The following RNF169 variants were observed in gnomAD, a reference collection of about 807,000 sequenced individuals.
RNF169 encodes the protein E3 ubiquitin-protein ligase RNF169.
Under a neutral mutation model 53.9 loss-of-function variants are expected in RNF169, and 24 were observed. That is an observed-to-expected ratio of 0.45 (90% CI 0.32 to 0.63). RNF169 has a LOEUF of 0.63. RNF169 is among the 20% of genes least tolerant of loss of function. RNF169 has a pLI of 0.04. For synonymous variants in RNF169, 396 were observed against 363.5 expected, an observed-to-expected ratio of 1.09 and a Z score of -1.02; for missense variants, 883 against 906.2, an observed-to-expected ratio of 0.97 and a Z score of 0.33.
At chr11:74,813,029 C>G (rs1164771722) in intron 3 of RNF169, among the ~76,000 whole-genome samples, 1 of 152,192 alleles carries the variant, frequency 6.6e-6, no homozygotes, top group Non-Finnish European at 1.5e-5. Flanking sequence ...ATCCAGCTTA[C>G]CTGTTGGAAG....
intron 5 of RNF169, 124 bp from the exon 6 acceptor site, chr11:74,835,422 C>A (rs536045046): frequency 5.0e-5 from 35 of 697,858 alleles, no homozygotes; most frequent in African/African-American, 4.5e-4. Flanking sequence ...TTCTTAGGCT[C>A]ACATTACCCT....
At chr11:74,788,285 A>G (rs2035532882) in intron 1 of RNF169, among the ~76,000 whole-genome samples, 2 of 143,304 alleles carry the variant, frequency 1.4e-5, no homozygotes, top group Non-Finnish European at 3.0e-5. Flanking sequence ...TTGGGGGTTT[A>G]TATATACATA....
chr11:74,780,987 A>G (rs953953199), intron 1 of RNF169, among the ~76,000 whole-genome samples: 2 of 152,138 alleles, frequency 1.3e-5, no homozygotes, highest in Admixed American at 1.3e-4. Context: ...CTCTCCACCT[A>G]CTTCCCCGCT....
In RNF169 at chr11:74,799,045, C is replaced by G. The variant is rs1232871385; in HGVS notation, c.576+9346C>G. ...CTCCCACCTTAGCAACAGAGCAAGA[C>G]CCCGTCTCAAAAAAAGAAAAAAAAA... On this transcript the variant is annotated intron_variant, in intron 2 of 5. Coordinates refer to ENST00000299563, the MANE Select transcript of RNF169 (RefSeq NM_001098638.2). 2.0e-5 allele frequency among the ~76,000 whole-genome samples: 3 copies of G among 146,376 alleles called. No homozygotes were observed. The East Asian group carries it at 6.0e-4, about 29-fold the overall frequency.
intron 1 of RNF169, among the ~76,000 whole-genome samples, chr11:74,776,338 A>C (rs1475565388): frequency 6.6e-6 from 1 of 152,056 alleles, no homozygotes; most frequent in Non-Finnish European, 1.5e-5. Context: ...TGCAACCTCA[A>C]AAGATTGGAC....
At chr11:74,813,146 CT>C (rs1449409512) in intron 3 of RNF169, among the ~76,000 whole-genome samples, 2 of 152,226 alleles carry the variant, frequency 1.3e-5, no homozygotes, top group Non-Finnish European at 2.9e-5. Context: ...CAAACCCCCA[CT>C]TTGTAACTTT....
chr11:74,826,151 C>T (rs760118627), intron 4 of RNF169, among the ~76,000 whole-genome samples: 18 of 152,128 alleles, frequency 1.2e-4, no homozygotes, highest in African/African-American at 2.4e-5. Context: ...CATAGTGAAA[C>T]CCCATCTGTA....
At chr11:74,804,383 C>T (rs1264310106) in intron 2 of RNF169, among the ~76,000 whole-genome samples, 1 of 152,118 alleles carries the variant, frequency 6.6e-6, no homozygotes, top group Non-Finnish European at 1.5e-5. Flanking sequence ...GTATGATACT[C>T]ATACAAATGG....
intron 1 of RNF169, among the ~76,000 whole-genome samples, chr11:74,751,289 T>A (rs926305328): frequency 3.3e-5 from 5 of 152,232 alleles, no homozygotes; most frequent in African/African-American, 1.2e-4. Flanking sequence ...GAAAACCCGA[T>A]TCTATCCTAT....
At chr11:74,756,756 C>T (rs1054609651) in intron 1 of RNF169, among the ~76,000 whole-genome samples, 2 of 152,066 alleles carry the variant, frequency 1.3e-5, no homozygotes, top group African/African-American at 4.8e-5. Flanking sequence ...AGAGTGGAAG[C>T]ATGTGGGACT....
At chr11:74,776,220 A>G (rs1014159835) in intron 1 of RNF169, among the ~76,000 whole-genome samples, 2 of 152,124 alleles carry the variant, frequency 1.3e-5, no homozygotes, top group South Asian at 2.1e-4. Context: ...TTTAAGCCCA[A>G]AGACAACTGA....
At chr11:74,788,302 AACACAC>A (rs140848727) in intron 1 of RNF169, among the ~76,000 whole-genome samples, 3,232 of 150,214 alleles carry the variant, frequency 0.022, 111 homozygotes, top group African/African-American at 0.074. Context: ...CATAAACATA[AACACAC>A]ACACACACAC....
Position 74,789,608 on chromosome 11 carries a change from CT to C in RNF169, c.503-14del. The C allele has an allele frequency of 1.3e-6, 2 of 1,571,908 alleles. No homozygotes were observed. The highest frequency in any genetic ancestry group is 1.4e-5 in the African/African-American group (1 of 73,982). The stretch of plus-strand genomic sequence containing the variant: ...AGAAAGTCATCTTAAAAAGTATTTT[CT>C]TTTCCCTTTCTTTCAGACTTTATAT... On this transcript the variant is annotated splice_polypyrimidine_tract_variant and intron_variant, in intron 1 of 5. Coordinates refer to ENST00000299563, the MANE Select transcript of RNF169 (RefSeq NM_001098638.2).
chr11:74,765,571 C>T (rs1472566182), intron 1 of RNF169, among the ~76,000 whole-genome samples: 6 of 152,086 alleles, frequency 3.9e-5, no homozygotes, highest in South Asian at 2.1e-4. Flanking sequence ...GAGGCCAAGG[C>T]GGGTGGATCA....
rs987323787 is a variant in RNF169 at position 74,839,052 on chromosome 11, A to C, written c.*2322A>C. On this transcript the variant is annotated 3_prime_UTR_variant, in exon 6 of 6. Coordinates refer to ENST00000299563, the MANE Select transcript of RNF169 (RefSeq NM_001098638.2). ...ATATATATTTTAAATATTTCCCCAA[A>C]TTAATACTTTCATTTTAAGAATTGC... is the stretch of plus-strand genomic sequence containing the variant. 6.6e-6 allele frequency: 1 copy of C among 152,218 alleles called. No homozygotes were observed. Among genetic ancestry groups the C allele is most frequent in the Non-Finnish European group, 1.5e-5 (1 of 68,042 alleles). 9.4% of individuals were successfully genotyped at this position (152,218 alleles called of 1,614,324 possible).
chr11:74,802,315 C>CA (rs1378993086), intron 2 of RNF169, among the ~76,000 whole-genome samples: 1 of 152,120 alleles, frequency 6.6e-6, no homozygotes, highest in Non-Finnish European at 1.5e-5. Flanking sequence ...TGGTTTGTGT[C>CA]AAAAAATATC....
At chr11:74,830,299 A>T (rs537622316) in intron 4 of RNF169, among the ~76,000 whole-genome samples, 1 of 152,282 alleles carries the variant, frequency 6.6e-6, no homozygotes, top group East Asian at 1.9e-4. Context: ...CAAGAAAAAA[A>T]GAGAAGACTC....
At chr11:74,777,476 T>C (rs1163422634) in intron 1 of RNF169, among the ~76,000 whole-genome samples, 2 of 152,208 alleles carry the variant, frequency 1.3e-5, no homozygotes, top group African/African-American at 4.8e-5. Flanking sequence ...TGTTTGATTC[T>C]GTGACCTCCT....
At chr11:74,795,259 A>G in intron 2 of RNF169, among the ~76,000 whole-genome samples, 1 of 135,528 alleles carries the variant, frequency 7.4e-6, no homozygotes, top group Middle Eastern at 4.3e-3. Flanking sequence ...TCACTCTATC[A>G]CCCAGGCCGG....
Sources: allele counts gnomAD v4.1 joint callset (sites outside exome capture counted in the v4.1 genomes callset), GRCh38; gene constraint gnomAD v4.1.1; transcripts MANE v1.5; gene names NCBI Gene and HGNC (gene_info 2026-07-23, HGNC 2026-07-21).